The following PYGO1 variants were observed in gnomAD, a reference collection of about 807,000 sequenced individuals.
The protein encoded by PYGO1 is pygopus homolog 1.
A neutral mutation model predicts 29.5 loss-of-function variants in PYGO1; 6 were observed. That is an observed-to-expected ratio of 0.20 (90% CI 0.11 to 0.40). The LOEUF is 0.40. PYGO1 is among the 10% of genes least tolerant of loss of function. PYGO1 has a pLI of 1.00. For synonymous variants in PYGO1, 186 were observed against 180.5 expected, an observed-to-expected ratio of 1.03 and a Z score of -0.24; for missense variants, 515 against 514.9, an observed-to-expected ratio of 1.00 and a Z score of 0.00.
chr15:55,552,253 G>A (rs2058882084), intron 1 of PYGO1, among the ~76,000 whole-genome samples: 1 of 151,502 alleles, frequency 6.6e-6, no homozygotes, highest in Admixed American at 6.6e-5. Flanking sequence ...TACTTGGGAG[G>A]CTAAGGCAGG....
At chr15:55,584,244 C>T (rs28711811) in intron 1 of PYGO1, among the ~76,000 whole-genome samples, 6,357 of 151,684 alleles carry the variant, frequency 0.042, 450 homozygotes, top group African/African-American at 0.15. Flanking sequence ...CAGCCTCCCA[C>T]GTAGCTAAGA....
intron 1 of PYGO1, among the ~76,000 whole-genome samples, chr15:55,585,361 T>C (rs1304738477): frequency 6.6e-6 from 1 of 152,198 alleles, no homozygotes; most frequent in Non-Finnish European, 1.5e-5. Flanking sequence ...CCAGAGTTTA[T>C]GCCCTGCAAA....
At chr15:55,587,334 C>T (rs1322346224) in intron 1 of PYGO1, among the ~76,000 whole-genome samples, 2 of 151,108 alleles carry the variant, frequency 1.3e-5, no homozygotes, top group Admixed American at 6.6e-5. Context: ...TCCTCTTAAA[C>T]CTACGGAAAA....
chr15:55,563,992 C>T (rs1567055379), intron 1 of PYGO1, among the ~76,000 whole-genome samples: 1 of 152,104 alleles, frequency 6.6e-6, no homozygotes, highest in Admixed American at 6.5e-5. Context: ...GTGGAAAACA[C>T]GTGGAAAACA....
intron 1 of PYGO1, among the ~76,000 whole-genome samples, chr15:55,553,647 G>C (rs1051982827): frequency 6.6e-6 from 1 of 152,136 alleles, no homozygotes; most frequent in Non-Finnish European, 1.5e-5. Flanking sequence ...CTGACCTCAA[G>C]TGATCTACCC....
chr15:55,566,871 C>CA (rs1451648355), intron 1 of PYGO1, among the ~76,000 whole-genome samples: 2 of 152,084 alleles, frequency 1.3e-5, no homozygotes, highest in African/African-American at 4.8e-5. Flanking sequence ...GCTGAGACTA[C>CA]AGGTGTGGGC....
intron 1 of PYGO1, among the ~76,000 whole-genome samples, chr15:55,567,717 T>C (rs1268299787): frequency 6.6e-6 from 1 of 152,190 alleles, no homozygotes; most frequent in Non-Finnish European, 1.5e-5. Flanking sequence ...TGGGTATTCT[T>C]GGATTCTTAT....
chr15:55,552,723 T>C (rs1428226822), intron 1 of PYGO1, among the ~76,000 whole-genome samples: 3 of 152,048 alleles, frequency 2.0e-5, no homozygotes, highest in African/African-American at 4.8e-5. Context: ...TACAGAGCTG[T>C]GTATGCAGAG....
At chr15:55,562,865 C>A (rs867656949) in intron 1 of PYGO1, among the ~76,000 whole-genome samples, 3 of 151,914 alleles carry the variant, frequency 2.0e-5, no homozygotes, top group Non-Finnish European at 2.9e-5. Context: ...AAGCTGTTAC[C>A]CTCAGCAAAC....
At position 55,548,777 on chromosome 15, in the gene PYGO1, T is replaced by C. The variant is rs112505367; in HGVS notation, c.135+133A>G. Reference sequence around the variant, plus strand: ...AAGTACCATCACTGGAATGATTGATTGAAAGTACAATGAATGATTAAAAGT... The same window carrying C: ...AAGTACCATCACTGGAATGATTGATCGAAAGTACAATGAATGATTAAAAGT... On this transcript the variant is annotated intron_variant, in intron 2 of 2. Transcript: ENST00000563719. The C allele has an allele frequency of 1.1e-4, 39 of 360,108 alleles. 1 individual carries two copies. Among genetic ancestry groups the C allele is most frequent in the African/African-American group, 6.0e-4 (25 of 41,818 alleles). 22.3% of individuals were successfully genotyped at this position (360,108 alleles called of 1,614,324 possible).
chr15:55,573,809 T>C (rs2058989959), intron 1 of PYGO1, among the ~76,000 whole-genome samples: 1 of 152,230 alleles, frequency 6.6e-6, no homozygotes, highest in East Asian at 1.9e-4. Context: ...ATATATGTTA[T>C]ATGTTGTATT....
Position 55,546,064 on chromosome 15 carries a change from T to C in PYGO1, c.1219A>G (p.Arg407Gly), listed in dbSNP as rs1567049049. The C allele has an allele frequency of 1.2e-6, 2 of 1,614,052 alleles. No individual in the cohort carries two copies. The highest frequency in any genetic ancestry group is 1.1e-5 in the South Asian group (1 of 91,068). The change falls in exon 3 of 3, where the codon AGA becomes GGA. Residue 407 changes from arginine (R) to glycine (G), a missense_variant. Coordinates refer to ENST00000563719, the MANE Select transcript of PYGO1 (RefSeq NM_001367806.1). Reference protein sequence around the residue: ...ADKDVQLMRTRETFGPSAVGS... With the variant: ...ADKDVQLMRTGETFGPSAVGS... ...ACTGCAGATGGACCAAAAGTTTCTC[T>C]AGTACGCATTAACTGGACATCTTTG...
In PYGO1 at chr15:55,581,042, C is replaced by T. The variant is rs543252421; in HGVS notation, c.49+6793G>A. 4.9e-4 allele frequency among the ~76,000 whole-genome samples: 75 copies of T among 152,168 alleles called. 3 individuals carry two copies. The South Asian group carries it at 0.015, about 31-fold the overall frequency. Reference sequence around the variant, plus strand: ...ATTCCTCCCTGTAAGGATCTTATAACCTATAGGAAACAATATTTTTCTTTT... The same window carrying T: ...ATTCCTCCCTGTAAGGATCTTATAATCTATAGGAAACAATATTTTTCTTTT... On this transcript the variant is annotated intron_variant, in intron 1 of 2. Coordinates refer to ENST00000563719, the MANE Select transcript of PYGO1 (RefSeq NM_001367806.1).
intron 1 of PYGO1, among the ~76,000 whole-genome samples, chr15:55,556,533 C>T (rs528112481): frequency 6.6e-6 from 1 of 152,210 alleles, no homozygotes; most frequent in South Asian, 2.1e-4. Flanking sequence ...TAAATGCCCA[C>T]ATCAAAAAGC....
intron 2 of PYGO1, among the ~76,000 whole-genome samples, 154 bp from the exon 3 acceptor site, chr15:55,547,301 A>G (rs1329598425): frequency 6.6e-6 from 1 of 152,192 alleles, no homozygotes; most frequent in Admixed American, 6.5e-5. Context: ...TTCAATTTTG[A>G]CTAATGTTTA....
chr15:55,573,651 T>C (rs2058989331), intron 1 of PYGO1, among the ~76,000 whole-genome samples: 1 of 152,190 alleles, frequency 6.6e-6, no homozygotes, highest in Non-Finnish European at 1.5e-5. Flanking sequence ...ATATAGTTGA[T>C]TCTTGAACAA....
Position 55,545,986 on chromosome 15 carries a change from C to A in PYGO1, c.*37G>T. ...CCTGTGTCAATGAACTTCTGCAATG[C>A]ACAGGAAAATAAACCCACTTTAGTT... On this transcript the variant is annotated 3_prime_UTR_variant, in exon 3 of 3. Transcript: ENST00000563719. The A allele has an allele frequency of 6.5e-7, 1 of 1,531,042 alleles. No homozygotes were observed. The highest frequency in any genetic ancestry group is 2.0e-5 in the Admixed American group (1 of 49,140). The allele number at this position is 1,531,042 out of a possible 1,614,324, so 94.8% of individuals were successfully genotyped here.
At chr15:55,548,877 G>T (rs1199037645) in intron 2 of PYGO1, 33 bp downstream of exon 2, 6 of 1,589,488 alleles carry the variant, frequency 3.8e-6, no homozygotes, top group Admixed American at 3.5e-5. Context: ...TACTAGCAAA[G>T]AAAAACTTTT....
chr15:55,549,364 C>G (rs2058868830), intron 1 of PYGO1, among the ~76,000 whole-genome samples: 1 of 152,068 alleles, frequency 6.6e-6, no homozygotes, highest in Admixed American at 6.6e-5. Context: ...GCGGGGAGGA[C>G]ACAAATGAGA....
Sources: allele counts gnomAD v4.1 joint callset (sites outside exome capture counted in the v4.1 genomes callset), GRCh38; gene constraint gnomAD v4.1.1; transcripts MANE v1.5; gene names NCBI Gene and HGNC (gene_info 2026-07-23, HGNC 2026-07-21).